The following ROS1 variants were observed in gnomAD, a reference collection of about 807,000 sequenced individuals.
ROS1 encodes ROS proto-oncogene 1, receptor tyrosine kinase.
A neutral mutation model predicts 273.5 loss-of-function variants in ROS1; 263 were observed. That is an observed-to-expected ratio of 0.96 (90% CI 0.87 to 1.06). The LOEUF is 1.06. ROS1 is among the 50% of genes least tolerant of loss of function. ROS1 has a pLI of 0.00. For synonymous variants in ROS1, 1,008 were observed against 954.1 expected (o/e 1.06, Z -1.04); for missense variants, 2,833 against 2,751.1 (o/e 1.03, Z -0.67).
In ROS1 at chr6:117,356,671, CT is replaced by C. The variant is rs774562502; in HGVS notation, c.4083del (p.Gly1362AlafsTer21). 12 of 1,613,996 alleles carry C rather than the reference CT, an allele frequency of 7.4e-6. No homozygotes were observed. The Admixed American group carries it at 2.0e-4, about 27-fold the overall frequency. On this transcript the variant is annotated frameshift_variant, in exon 26 of 44. Transcript: ENST00000368507. LOFTEE classifies it high-confidence loss of function. ...GTGATAACTCTCCAACACTGACAGCCTTCCAGATCCATTGCCCAGATCTCTT... is the reference window on the plus strand; with the variant it reads ...GTGATAACTCTCCAACACTGACAGCCTCCAGATCCATTGCCCAGATCTCTT... ...KAQEIWAMDL[E>X]GCQCWRVITV...
At chr6:117,333,999 A>G (rs1041055218) in intron 32 of ROS1, among the ~76,000 whole-genome samples, 1 of 152,164 alleles carries the variant, frequency 6.6e-6, no homozygotes, top group South Asian at 2.1e-4. Context: ...GGTCAGGGCA[A>G]TCAGGCAAGA....
intron 29 of ROS1, 66 bp downstream of exon 29, chr6:117,342,330 AACAT>A (rs1158003662): frequency 7.3e-7 from 1 of 1,362,906 alleles, no homozygotes; most frequent in Non-Finnish European, 1.0e-6. Context: ...TTAAAAAATA[AACAT>A]CAACATACAC....
intron 4 of ROS1, 24 bp from the exon 5 acceptor site, chr6:117,409,666 A>G: frequency 6.2e-7 from 1 of 1,605,926 alleles, no homozygotes; most frequent in African/African-American, 1.3e-5. Context: ...GGAGCATGAC[A>G]GTCAGGGCAG....
intron 27 of ROS1, among the ~76,000 whole-genome samples, chr6:117,347,437 C>A (rs1387612422): frequency 6.6e-6 from 1 of 152,092 alleles, no homozygotes; most frequent in Non-Finnish European, 1.5e-5. Context: ...TTGCTATAAT[C>A]ACTTATGAGT....
At chr6:117,301,176 T>C in intron 42 of ROS1, 39 bp from the exon 43 acceptor site, 1 of 1,515,932 alleles carries the variant, frequency 6.6e-7, no homozygotes. Context: ...AAATAGCAAT[T>C]GGATATAATT....
rs1421644123 is a variant in ROS1, at chr6:117,394,634, T to C, written c.988A>G (p.Ile330Val). 3 of 1,610,988 alleles carry C rather than the reference T, an allele frequency of 1.9e-6. No homozygotes were observed. The highest frequency in any genetic ancestry group is 2.5e-6 in the Non-Finnish European group (3 of 1,177,946). ...DEAHCLRLDA[I>V]YHNITGISVD... The stretch of plus-strand genomic sequence containing the variant: ...TACTGACCTGTAATATTATGGTATA[T>C]AGCATCCAACCGAAGGCAATGTGCT... The change falls in exon 10 of 44, where the codon ATA (isoleucine) becomes GTA (valine). Residue 330 changes from isoleucine (I) to valine (V), a missense_variant. Transcript: ENST00000368507.
At chr6:117,365,036 A>C in intron 21 of ROS1, 24 bp downstream of exon 21, 1 of 1,602,978 alleles carries the variant, frequency 6.2e-7, no homozygotes, top group Middle Eastern at 1.7e-4. Context: ...TTTTAAGAAA[A>C]AAGACAGATT....
At chr6:117,398,111 T>C (rs1773644758) in intron 7 of ROS1, among the ~76,000 whole-genome samples, 2 of 152,156 alleles carry the variant, frequency 1.3e-5, no homozygotes, top group African/African-American at 4.8e-5. Context: ...GTCACCATGA[T>C]AAACAGGGAA....
chr6:117,321,295 G>C lies in ROS1; in HGVS notation c.5723C>G (p.Ala1908Gly), dbSNP rs1206955918. 1.2e-6 allele frequency: 2 copies of C among 1,613,774 alleles called. No homozygotes were observed. The highest frequency in any genetic ancestry group is 1.7e-6 in the Non-Finnish European group (2 of 1,179,856). The change falls in exon 36 of 44, where the codon GCC becomes GGC. Residue 1908 changes from alanine (A) to glycine (G), a missense_variant. By Grantham distance (60) the Ala-to-Gly change is moderately conservative. Transcript: ENST00000368507. Reference sequence around the variant, plus strand: ...GCAGGCATTAGCCAGGCCTACTCCGGCTGCCAGACCTCGCAGCTCAGCCAA... The same window carrying C: ...GCAGGCATTAGCCAGGCCTACTCCGCCTGCCAGACCTCGCAGCTCAGCCAA... The part of the protein sequence containing the change: ...KELAELRGLA[A>G]GVGLANACYA...
chr6:117,348,634 A>C (rs1246486482), intron 27 of ROS1, among the ~76,000 whole-genome samples: 2 of 151,030 alleles, frequency 1.3e-5, no homozygotes, highest in South Asian at 4.2e-4. Flanking sequence ...TTTGTTTCTT[A>C]TTATTATTTG....
chr6:117,337,132 AAC>A (rs781192825), intron 32 of ROS1, 38 bp downstream of exon 32: 20 of 1,519,424 alleles, frequency 1.3e-5, no homozygotes, highest in East Asian at 1.1e-4. Flanking sequence ...AAAAAACTGA[AAC>A]ACAGAGTTTT....
At chr6:117,293,650 A>G (rs887836862) in intron 43 of ROS1, among the ~76,000 whole-genome samples, 1 of 152,306 alleles carries the variant, frequency 6.6e-6, no homozygotes, top group South Asian at 2.1e-4. Context: ...CAGCAAGAAC[A>G]GTTACTGAGA....
chr6:117,339,639 T>G (rs1490343817), intron 31 of ROS1, among the ~76,000 whole-genome samples: 2 of 152,172 alleles, frequency 1.3e-5, no homozygotes, highest in African/African-American at 4.8e-5. Flanking sequence ...TATTTGTAGA[T>G]GGCCACTCAT....
chr6:117,413,577 A>G (rs1775098962), intron 4 of ROS1, among the ~76,000 whole-genome samples: 1 of 152,188 alleles, frequency 6.6e-6, no homozygotes, highest in Non-Finnish European at 1.5e-5. Context: ...GGTTGCTTAG[A>G]GCACCGTAAG....
At position 117,394,313 on chromosome 6, in the gene ROS1, T is replaced by C. The variant is rs55707658; in HGVS notation, c.1040A>G (p.Tyr347Cys). The C allele has an allele frequency of 7.3e-5, 118 of 1,606,092 alleles. 1 individual carries two copies. The East Asian group carries it at 2.2e-3, about 30-fold the overall frequency. The change falls in exon 11 of 44, where the codon TAT becomes TGT. Residue 347 changes from tyrosine (Y) to cysteine (C), a missense_variant. Transcript: ENST00000368507. Reference sequence around the variant, plus strand: ...CCATATGAGAGTTCCTTCAGAGAAATAAACAATTTGCTGGTGGACATCAAC... The same window carrying C: ...CCATATGAGAGTTCCTTCAGAGAAACAAACAATTTGCTGGTGGACATCAAC... ...ISVDVHQQIV[Y>C]FSEGTLIWAK... is the part of the protein sequence containing the mutation.
intron 27 of ROS1, among the ~76,000 whole-genome samples, chr6:117,349,856 TAAC>T (rs1389661507): frequency 6.6e-6 from 1 of 152,030 alleles, no homozygotes; most frequent in Non-Finnish European, 1.5e-5. Flanking sequence ...TACCTTATAA[TAAC>T]AAAATACTCC....
At chr6:117,392,885 T>G (rs1390289155) in intron 12 of ROS1, among the ~76,000 whole-genome samples, 8 of 152,150 alleles carry the variant, frequency 5.3e-5, no homozygotes, top group African/African-American at 1.7e-4. Context: ...CAGGTAGTGT[T>G]GAGGCGGAAA....
chr6:117,383,762 A>G (rs1772347698), intron 16 of ROS1, among the ~76,000 whole-genome samples: 1 of 152,224 alleles, frequency 6.6e-6, no homozygotes, highest in Non-Finnish European at 1.5e-5. Context: ...TTTACTTTGC[A>G]TAAAAATAAC....
chr6:117,306,373 G>A (rs1475397496), intron 42 of ROS1, among the ~76,000 whole-genome samples: 1 of 152,046 alleles, frequency 6.6e-6, no homozygotes, highest in Non-Finnish European at 1.5e-5. Flanking sequence ...AGTAATTCCA[G>A]TTGCCACTGT....
Sources: allele counts gnomAD v4.1 joint callset (sites outside exome capture counted in the v4.1 genomes callset), GRCh38; gene constraint gnomAD v4.1.1; transcripts MANE v1.5; gene names NCBI Gene and HGNC (gene_info 2026-07-23, HGNC 2026-07-21).